Variants in ANKRD44 observed in about 807,000 individuals in gnomAD.
ANKRD44 encodes the protein ankyrin repeat domain 44.
ANKRD44 carries 35 observed loss-of-function variants against 116.0 expected under a neutral mutation model. The observed-to-expected ratio is 0.30, with a 90% CI of 0.23 to 0.40. The LOEUF is 0.40. ANKRD44 is among the 10% of genes least tolerant of loss of function. The pLI, the probability that ANKRD44 is intolerant of heterozygous loss-of-function variation, is 1.00. For synonymous variants in ANKRD44, 435 were observed against 461.8 expected (o/e 0.94, Z 0.74); for missense variants, 1,014 against 1,242.6 (o/e 0.82, Z 2.77).
intron 1 of ANKRD44, among the ~76,000 whole-genome samples, chr2:197,305,508 C>T (rs1448619037): frequency 3.3e-5 from 5 of 152,076 alleles, no homozygotes; most frequent in Non-Finnish European, 5.9e-5. Flanking sequence ...TTTAAAGAAT[C>T]TTTCATTTCT....
At chr2:197,008,051 T>C (rs574809946) in intron 19 of ANKRD44, 128 bp from the exon 20 acceptor site, 1 of 670,358 alleles carries the variant, frequency 1.5e-6, no homozygotes, top group South Asian at 1.8e-5. Flanking sequence ...TAATATTTTC[T>C]AAGTGTCCCC....
intron 1 of ANKRD44, among the ~76,000 whole-genome samples, chr2:197,238,956 T>G (rs914638186): frequency 1.3e-5 from 2 of 152,078 alleles, no homozygotes; most frequent in African/African-American, 2.4e-5. Flanking sequence ...CTGCTCGTCC[T>G]GGCCCCCCAA....
chr2:197,156,023 G>A (rs562248681), intron 2 of ANKRD44, among the ~76,000 whole-genome samples: 1 of 152,322 alleles, frequency 6.6e-6, no homozygotes, highest in South Asian at 2.1e-4. Flanking sequence ...TTTCACCAAA[G>A]ATATACAGAT....
chr2:197,122,922 G>A (rs2078891516), intron 6 of ANKRD44, 130 bp from the exon 7 acceptor site: 1 of 1,090,322 alleles, frequency 9.2e-7, no homozygotes, highest in Admixed American at 2.7e-5. Context: ...TAAAAAGCTG[G>A]TTCATGGCAA....
chr2:197,147,970 C>A (rs2079547793), intron 2 of ANKRD44: 2 of 408,194 alleles, frequency 4.9e-6, no homozygotes, highest in Non-Finnish European at 5.0e-6. Context: ...AAGATCTGAC[C>A]TTCACCCAGC....
intron 19 of ANKRD44, 71 bp downstream of exon 19, chr2:197,008,873 G>T (rs1432970386): frequency 1.5e-6 from 2 of 1,360,696 alleles, no homozygotes; most frequent in South Asian, 1.2e-5. Flanking sequence ...GCCTTGTAAT[G>T]ATTTAAGAAA....
intron 1 of ANKRD44, among the ~76,000 whole-genome samples, chr2:197,253,101 G>A (rs1418856064): frequency 6.6e-6 from 1 of 152,044 alleles, no homozygotes; most frequent in Non-Finnish European, 1.5e-5. Context: ...GGTTTTGTTT[G>A]TTTATTCAGA....
At chr2:197,178,893 T>C (rs2080434448) in intron 2 of ANKRD44, among the ~76,000 whole-genome samples, 1 of 152,156 alleles carries the variant, frequency 6.6e-6, no homozygotes, top group Non-Finnish European at 1.5e-5. Flanking sequence ...AATAATCCAT[T>C]CCAGCCCCAG....
At chr2:197,038,168 T>A (rs1169502049) in intron 16 of ANKRD44, among the ~76,000 whole-genome samples, 1 of 152,092 alleles carries the variant, frequency 6.6e-6, no homozygotes, top group Non-Finnish European at 1.5e-5. Flanking sequence ...GTGATTTTGA[T>A]GTGTCACTGT....
chr2:197,276,275 CAAAAAAAAA>C (rs11351342), intron 1 of ANKRD44, among the ~76,000 whole-genome samples: 2 of 108,066 alleles, frequency 1.9e-5, no homozygotes, highest in East Asian at 2.7e-4. Flanking sequence ...AACTTGGTCT[CAAAAAAAAA>C]AAAAAAAAAA....
chr2:197,017,999 G>A lies in ANKRD44; in HGVS notation c.1723-4287C>T, dbSNP rs535583986. Among the ~76,000 whole-genome samples, 47 of 152,302 alleles carry A rather than the reference G, an allele frequency of 3.1e-4. No homozygotes were observed. In the South Asian group the frequency reaches 9.5e-3, roughly 31 times the overall value. On this transcript the variant is annotated intron_variant, in intron 17 of 27. Transcript: ENST00000282272. ...GGTCTCAGGTATCTGGCAGGAATCT[G>A]GCCTAATTCTCACAAAGTGCTGTAT...
intron 1 of ANKRD44, among the ~76,000 whole-genome samples, chr2:197,204,547 A>G (rs2081164269): frequency 6.6e-6 from 1 of 152,198 alleles, no homozygotes; most frequent in African/African-American, 2.4e-5. Flanking sequence ...GGCTGCAACA[A>G]TCTGGAGAAT....
At chr2:197,279,249 T>C (rs1045037877) in intron 1 of ANKRD44, among the ~76,000 whole-genome samples, 1 of 152,162 alleles carries the variant, frequency 6.6e-6, no homozygotes, top group Non-Finnish European at 1.5e-5. Flanking sequence ...CAGTTCCTAA[T>C]ACAATACCAG....
chr2:197,234,744 A>G (rs10497805), intron 1 of ANKRD44, among the ~76,000 whole-genome samples: 7,172 of 152,256 alleles, frequency 0.047, 562 homozygotes, highest in African/African-American at 0.16. Flanking sequence ...TTAGGTTGCT[A>G]ATAGACTCCA....
chr2:197,237,154 T>C (rs1274099710), intron 1 of ANKRD44, among the ~76,000 whole-genome samples: 2 of 152,198 alleles, frequency 1.3e-5, no homozygotes, highest in East Asian at 3.8e-4. Flanking sequence ...ATTATTTCTT[T>C]CCCTTAAGAA....
At chr2:196,969,349 T>G (rs1186528615) in intron 21 of ANKRD44, among the ~76,000 whole-genome samples, 1 of 152,196 alleles carries the variant, frequency 6.6e-6, no homozygotes, top group African/African-American at 2.4e-5. Context: ...TTTCTCTGAG[T>G]TCTCCATTTG....
chr2:197,018,432 C>G (rs2076432974), intron 17 of ANKRD44, among the ~76,000 whole-genome samples: 1 of 152,126 alleles, frequency 6.6e-6, no homozygotes, highest in South Asian at 2.1e-4. Context: ...CTTTCTGCTC[C>G]CTCTGTCTGG....
At chr2:197,058,032 T>C (rs1314866655) in intron 16 of ANKRD44, among the ~76,000 whole-genome samples, 1 of 152,196 alleles carries the variant, frequency 6.6e-6, no homozygotes, top group Non-Finnish European at 1.5e-5. Flanking sequence ...TCACAGTATA[T>C]GCTAAATCTG....
chr2:197,127,020 T>C (rs1214912764), intron 4 of ANKRD44, among the ~76,000 whole-genome samples: 1 of 152,078 alleles, frequency 6.6e-6, no homozygotes, highest in African/African-American at 2.4e-5. Context: ...AAAATGATTA[T>C]GGAATTAAAT....
Sources: allele counts gnomAD v4.1 joint callset (sites outside exome capture counted in the v4.1 genomes callset), GRCh38; gene constraint gnomAD v4.1.1; transcripts MANE v1.5; gene names NCBI Gene and HGNC (gene_info 2026-07-23, HGNC 2026-07-21).